Variants in PPARGC1A observed in about 807,000 individuals in gnomAD.
PPARGC1A encodes PPARG coactivator 1 alpha.
PPARGC1A carries 25 observed loss-of-function variants against 88.7 expected under a neutral mutation model. That is an observed-to-expected ratio of 0.28 (90% confidence interval 0.21 to 0.39). PPARGC1A has a LOEUF of 0.39. Among genes scored for constraint, PPARGC1A ranks in the 10% least tolerant of loss-of-function variants. PPARGC1A has a pLI of 1.00. For synonymous variants in PPARGC1A, 363 were observed against 355.6 expected, an observed-to-expected ratio of 1.02 and a Z score of -0.24; for missense variants, 880 against 968.7, an observed-to-expected ratio of 0.91 and a Z score of 1.22.
chr4:24,278,281 A>C, the PPARGC1A span, among the ~76,000 whole-genome samples: 116 of 152,358 alleles, frequency 7.6e-4, 1 homozygote, highest in African/African-American at 2.7e-3. Flanking sequence ...CAATGTACCA[A>C]GCATAATTTA....
At chr4:24,175,604 T>A in the PPARGC1A span, among the ~76,000 whole-genome samples, 4 of 141,914 alleles carry the variant, frequency 2.8e-5, no homozygotes, top group African/African-American at 1.1e-4. Context: ...GCCAGACTGG[T>A]CTCAAACTCC....
At chr4:24,006,162 C>T in the PPARGC1A span, among the ~76,000 whole-genome samples, 2 of 152,168 alleles carry the variant, frequency 1.3e-5, no homozygotes, top group African/African-American at 4.8e-5. Context: ...AATTATCATG[C>T]CTCAGCCTCC....
chr4:24,331,671 C>A, the PPARGC1A span, among the ~76,000 whole-genome samples: 3 of 152,066 alleles, frequency 2.0e-5, no homozygotes, highest in Non-Finnish European at 2.9e-5. Flanking sequence ...AACATTTTCC[C>A]CTATCATGTC....
At chr4:24,329,130 G>T in the PPARGC1A span, among the ~76,000 whole-genome samples, 1 of 147,118 alleles carries the variant, frequency 6.8e-6, no homozygotes, top group East Asian at 2.5e-4. Context: ...GGCAGCTTTT[G>T]TCCAGACTGA....
chr4:24,116,192 C>A, the PPARGC1A span, among the ~76,000 whole-genome samples: 5 of 152,134 alleles, frequency 3.3e-5, no homozygotes, highest in African/African-American at 1.2e-4. Flanking sequence ...TCTTGGATAA[C>A]CATCCAACTA....
chr4:24,344,185 T>C, the PPARGC1A span, among the ~76,000 whole-genome samples: 1 of 152,134 alleles, frequency 6.6e-6, no homozygotes, highest in East Asian at 1.9e-4. Flanking sequence ...AATTTTGCAA[T>C]TGTGAATTGT....
intron 2 of PPARGC1A, among the ~76,000 whole-genome samples, chr4:23,846,004 A>G (rs979044433): frequency 6.6e-6 from 1 of 152,168 alleles, no homozygotes; most frequent in Non-Finnish European, 1.5e-5. Flanking sequence ...ACAGTGGAGA[A>G]GCATATGACA....
chr4:23,799,334 A>C (rs966014308), intron 12 of PPARGC1A, among the ~76,000 whole-genome samples: 1 of 152,310 alleles, frequency 6.6e-6, no homozygotes, highest in African/African-American at 2.4e-5. Context: ...AACCATAGCC[A>C]CTATTTATTG....
At chr4:24,195,293 A>G in the PPARGC1A span, among the ~76,000 whole-genome samples, 207 of 152,322 alleles carry the variant, frequency 1.4e-3, 2 homozygotes, top group African/African-American at 4.1e-3. Flanking sequence ...AGATTAAATG[A>G]CATAATTCTA....
the PPARGC1A span, among the ~76,000 whole-genome samples, chr4:24,221,873 C>T: frequency 3.9e-5 from 6 of 152,076 alleles, no homozygotes; most frequent in Non-Finnish European, 5.9e-5. Context: ...ACAGTAAGAC[C>T]GTTCTTCACT....
At chr4:24,086,884 T>C in the PPARGC1A span, among the ~76,000 whole-genome samples, 1 of 152,198 alleles carries the variant, frequency 6.6e-6, no homozygotes, top group East Asian at 1.9e-4. Flanking sequence ...ATTATCCCCA[T>C]TTTATAGCTG....
chr4:24,124,136 G>A, the PPARGC1A span, among the ~76,000 whole-genome samples: 1 of 152,070 alleles, frequency 6.6e-6, no homozygotes. Context: ...CCAAACGATA[G>A]CCGGATACAC....
At chr4:24,219,996 C>T in the PPARGC1A span, among the ~76,000 whole-genome samples, 1 of 152,094 alleles carries the variant, frequency 6.6e-6, no homozygotes, top group Admixed American at 6.6e-5. Flanking sequence ...GGACTAATAT[C>T]CATAATCTAT....
chr4:24,383,598 G>A, the PPARGC1A span, among the ~76,000 whole-genome samples: 13 of 152,044 alleles, frequency 8.6e-5, no homozygotes, highest in Admixed American at 5.9e-4. Flanking sequence ...ATCAATAGCC[G>A]AATCAATCAG....
Position 23,829,471 on chromosome 4 carries a change from T to C in PPARGC1A, c.544A>G (p.Ile182Val), listed in dbSNP as rs751252030. 1.9e-6 allele frequency: 3 copies of C among 1,613,180 alleles called. No individual in the cohort carries two copies. Among genetic ancestry groups the C allele is most frequent in the South Asian group, 2.2e-5 (2 of 90,948 alleles). ...AAAATTTACATTTGTACCTTAACAA[T>C]TGCAGGGTTTGTTCTGATCCTGTGA... ...HNHRIRTNPA[I>V]VKTENSWSNK... Residue 182 changes from isoleucine (I) to valine (V), a missense_variant, in exon 4 of 13, where the codon ATT becomes GTT. Coordinates refer to ENST00000264867, the MANE Select transcript of PPARGC1A (RefSeq NM_013261.5).
At chr4:24,109,006 A>ACACACACACACCACACACAC in the PPARGC1A span, among the ~76,000 whole-genome samples, 1 of 150,472 alleles carries the variant, frequency 6.6e-6, no homozygotes, top group East Asian at 2.0e-4. Flanking sequence ...TCACACACAC[A>ACACACACACACCACACACAC]CACACACACA....
the PPARGC1A span, among the ~76,000 whole-genome samples, chr4:24,065,898 A>G: frequency 6.6e-6 from 1 of 152,160 alleles, no homozygotes. Flanking sequence ...ATGGAAGGAA[A>G]TTAGGCCCAG....
chr4:23,824,382 A>T, intron 6 of PPARGC1A, 29 bp from the exon 7 acceptor site: 1 of 1,611,380 alleles, frequency 6.2e-7, no homozygotes, highest in Non-Finnish European at 8.5e-7. Context: ...TTATAAAAAC[A>T]AACTGAAATG....
the PPARGC1A span, among the ~76,000 whole-genome samples, chr4:24,308,293 GAAAAAAAAA>G: frequency 6.9e-5 from 5 of 72,950 alleles, no homozygotes; most frequent in African/African-American, 2.0e-4. Context: ...CTCTGCCACC[GAAAAAAAAA>G]AAAAAAAAAA....
Sources: allele counts gnomAD v4.1 joint callset (sites outside exome capture counted in the v4.1 genomes callset), GRCh38; gene constraint gnomAD v4.1.1; transcripts MANE v1.5; gene names NCBI Gene and HGNC (gene_info 2026-07-23, HGNC 2026-07-21).